The following ZNF195 variants were observed in gnomAD, a reference collection of about 807,000 sequenced individuals.
The protein encoded by ZNF195 is zinc finger protein 195, also known as hypoxia-regulated factor-1.
ZNF195 carries 11 observed loss-of-function variants against 19.5 expected under a neutral mutation model. The ratio of observed to expected loss-of-function variants is 0.57; its 90% CI spans 0.36 to 0.94. The LOEUF is 0.94. ZNF195 is among the 40% of genes least tolerant of loss of function. ZNF195 has a pLI of 0.01. For missense variants in ZNF195, 582 were observed against 709.0 expected (o/e 0.82, Z 2.03); for synonymous variants, 214 against 248.1 (o/e 0.86, Z 1.29).
At chr11:3,378,013 A>C in intron 1 of ZNF195, 1 of 897,620 alleles carries the variant, frequency 1.1e-6, no homozygotes. Flanking sequence ...CAAATCTCTT[A>C]AAAAGTGCCG....
Position 3,359,988 on chromosome 11 carries a change from G to A in ZNF195, c.1020C>T (p.Ser340=), listed in dbSNP as rs1159908108. The A allele has an allele frequency of 6.2e-7, 1 of 1,614,024 alleles. No homozygotes were observed. The highest frequency in any genetic ancestry group is 8.5e-7 in the Non-Finnish European group (1 of 1,180,016). Residue 340 remains serine (S), a synonymous_variant, in exon 6 of 6, where the codon TCC becomes TCT. Coordinates refer to ENST00000399602, the MANE Select transcript of ZNF195 (RefSeq NM_001130520.3). The surrounding 1 kb of genome is among the most constrained non-coding windows in gnomAD (Gnocchi z 5.5). ...TACCATGCTCATGTTCAGTAAGGTG[G>A]GAGCACTGGTTAAATACTTTGCCAA... ...EEFGKVFNQC[S]HLTEHEHGTE...
rs756380965 is a variant in ZNF195 at position 3,359,940 on chromosome 11, A to G, written c.1068T>C (p.Tyr356=). 6.2e-7 allele frequency: 1 copy of G among 1,614,226 alleles called. No homozygotes were observed. The highest frequency in any genetic ancestry group is 1.1e-5 in the South Asian group (1 of 91,082). The change falls in exon 6 of 6, where the codon TAT becomes TAC. Residue 356 remains tyrosine, a synonymous_variant. Transcript: ENST00000399602. The surrounding 1 kb of genome is among the most constrained non-coding windows in gnomAD (Gnocchi z 5.5). ...EHGTEEKPCK[Y]EECSSVFISC... Reference sequence around the variant, plus strand: ...AGATAAAGACACTGCTGCACTCTTCATATTTGCAGGGTTTTTCCTCAGTAC... The same window carrying G: ...AGATAAAGACACTGCTGCACTCTTCGTATTTGCAGGGTTTTTCCTCAGTAC...
chr11:3,373,282 G>A (rs1476815471), intron 1 of ZNF195, among the ~76,000 whole-genome samples: 3 of 152,098 alleles, frequency 2.0e-5, no homozygotes, highest in Admixed American at 6.5e-5. Context: ...GGAATCCTGG[G>A]TATCCACAAG....
At chr11:3,361,684 G>C in intron 4 of ZNF195, 59 bp downstream of exon 4, 1 of 1,285,894 alleles carries the variant, frequency 7.8e-7, no homozygotes, top group South Asian at 1.3e-5. Flanking sequence ...AAAGTCAAAG[G>C]AGAAAAGAAT....
intron 3 of ZNF195, among the ~76,000 whole-genome samples, chr11:3,369,019 C>T (rs140370726): frequency 2.5e-4 from 38 of 152,196 alleles, no homozygotes; most frequent in African/African-American, 5.1e-4. Context: ...TTTTTAGACA[C>T]GACACCAAAA....
At chr11:3,364,432 T>A (rs1328754474) in intron 3 of ZNF195, among the ~76,000 whole-genome samples, 1 of 152,086 alleles carries the variant, frequency 6.6e-6, no homozygotes, top group Non-Finnish European at 1.5e-5. Context: ...TTTACTATCA[T>A]AATGATGGTG....
chr11:3,375,511 G>A (rs1849415699), intron 1 of ZNF195: 1 of 152,156 alleles, frequency 6.6e-6, no homozygotes, highest in Admixed American at 6.5e-5. Context: ...ACCACATCAG[G>A]AAAATGGCCC....
intron 1 of ZNF195, among the ~76,000 whole-genome samples, chr11:3,373,958 C>G (rs190534406): frequency 7.2e-5 from 11 of 152,198 alleles, no homozygotes; most frequent in Non-Finnish European, 5.9e-5. Context: ...CCCTTTGGAA[C>G]CAAGGCTGAG....
chr11:3,358,797 A>G lies in ZNF195; in HGVS notation c.*321T>C. On this transcript the variant is annotated 3_prime_UTR_variant, in exon 6 of 6. Transcript: ENST00000399602. ...ATTTTTCCCATTTAGTGTATTTGCA[A>G]AATATCTTTTAGTATGAACTCTAGT... 1 of 261,740 alleles carries G rather than the reference A, an allele frequency of 3.8e-6. No individual in the cohort carries two copies. The highest frequency in any genetic ancestry group is 1.4e-4 in the South Asian group (1 of 7,274). 16.2% of individuals were successfully genotyped at this position (261,740 alleles called of 1,614,324 possible).
Position 3,359,377 on chromosome 11 carries a change from T to G in ZNF195, c.1631A>C (p.His544Pro). ...ACACTTGTAGGGTTTCTCTCCAGTATGAATTCTCTTATGTACAATAAGGTT... is the reference window on the plus strand; with the variant it reads ...ACACTTGTAGGGTTTCTCTCCAGTAGGAATTCTCTTATGTACAATAAGGTT... ...SSNLIVHKRIHTGEKPYKCEE... is the reference protein window; with the variant it reads ...SSNLIVHKRIPTGEKPYKCEE... The change falls in exon 6 of 6, where the codon CAT becomes CCT. Residue 544 changes from histidine to proline, a missense_variant. Transcript: ENST00000399602. This position sits in a 1 kb window ranked among gnomAD's most constrained non-coding sequence, Gnocchi z 5.5. The G allele has an allele frequency of 6.2e-7, 1 of 1,614,180 alleles. No homozygotes were observed. The highest frequency in any genetic ancestry group is 8.5e-7 in the Non-Finnish European group (1 of 1,180,020).
Position 3,359,371 on chromosome 11 carries a change from C to T in ZNF195, c.1637G>A (p.Gly546Glu). 1 of 1,613,312 alleles carries T rather than the reference C, an allele frequency of 6.2e-7. No individual in the cohort carries two copies. The highest frequency in any genetic ancestry group is 1.3e-5 in the African/African-American group (1 of 74,718). Residue 546 changes from glycine (G) to glutamate (E), a missense_variant, in exon 6 of 6, where the codon GGA becomes GAA. By Grantham distance (98) the Gly-to-Glu change is moderately conservative (BLOSUM62 -2). Coordinates refer to ENST00000399602, the MANE Select transcript of ZNF195 (RefSeq NM_001130520.3). This position sits in a 1 kb window ranked among gnomAD's most constrained non-coding sequence, Gnocchi z 5.5. ...NLIVHKRIHT[G>E]EKPYKCEECG... Reference sequence around the variant, plus strand: ...TTCTTCACACTTGTAGGGTTTCTCTCCAGTATGAATTCTCTTATGTACAAT... The same window carrying T: ...TTCTTCACACTTGTAGGGTTTCTCTTCAGTATGAATTCTCTTATGTACAAT...
At position 3,360,068 on chromosome 11, in the gene ZNF195, C is replaced by T. The variant is rs1316821470; in HGVS notation, c.940G>A (p.Val314Ile). The T allele has an allele frequency of 1.9e-6, 3 of 1,614,102 alleles. No homozygotes were observed. Among genetic ancestry groups the T allele is most frequent in the Non-Finnish European group, 2.5e-6 (3 of 1,180,028 alleles). ...ECNNVIKTCS[V>I]LTKNRIYAGG... ...GCATAAATTCTATTTTTAGTAAGGA[C>T]TGAGCAAGTTTTAATGACGTTGTTA... The change falls in exon 6 of 6, where the codon GTC becomes ATC. Residue 314 changes from valine (V) to isoleucine (I), a missense_variant. By Grantham distance (29) the Val-to-Ile change is conservative (BLOSUM62 3). Around this residue, in one of 3 missense-constraint regions of ZNF195, gnomAD observed 407 missense variants for 530.5 expected, o/e 0.77. Transcript: ENST00000399602.
chr11:3,363,830 T>C (rs926250019), intron 3 of ZNF195, among the ~76,000 whole-genome samples: 2 of 152,070 alleles, frequency 1.3e-5, no homozygotes, highest in Non-Finnish European at 2.9e-5. Flanking sequence ...AATAGACCAA[T>C]AAAACAGAAT....
intron 1 of ZNF195, chr11:3,377,585 G>A: frequency 8.9e-7 from 1 of 1,126,746 alleles, no homozygotes; most frequent in Non-Finnish European, 1.1e-6. Flanking sequence ...GTTGGGTTGG[G>A]TGAAGACAAT....
chr11:3,377,659 G>T, intron 1 of ZNF195: 1 of 1,249,224 alleles, frequency 8.0e-7, no homozygotes, highest in Non-Finnish European at 1.0e-6. Context: ...TCTCAGCCCA[G>T]GGCATCCAGC....
intron 1 of ZNF195, chr11:3,377,641 G>A: frequency 1.6e-6 from 2 of 1,240,412 alleles, no homozygotes; most frequent in Non-Finnish European, 2.1e-6. Context: ...AGTAGACCAG[G>A]AGATTTCTCT....
chr11:3,371,872 A>C (rs1849230262), intron 1 of ZNF195, among the ~76,000 whole-genome samples, 169 bp from the exon 2 acceptor site: 1 of 152,238 alleles, frequency 6.6e-6, no homozygotes. Context: ...GAGCCACATA[A>C]GCAGTGTATA....
intron 3 of ZNF195, chr11:3,369,539 T>A (rs1020103933): frequency 2.2e-6 from 1 of 445,966 alleles, no homozygotes; most frequent in African/African-American, 2.0e-5. Context: ...AAATAGACAA[T>A]AGAATATTAC....
intron 3 of ZNF195, chr11:3,369,154 T>C: frequency 3.7e-6 from 1 of 267,274 alleles, no homozygotes; most frequent in Non-Finnish European, 7.5e-6. Flanking sequence ...ATAAGTAACA[T>C]ATTAGGGCTG....
Sources: gnomAD v4.1 joint callset for allele counts (sites outside exome capture counted in the v4.1 genomes callset) on GRCh38, gnomAD v4.1.1 for gene constraint, gnomAD v4.1.1 regional missense constraint, Gnocchi (gnomAD v3.1) non-coding constraint, MANE v1.5 for transcripts, NCBI Gene and HGNC (gene_info 2026-07-23, HGNC 2026-07-21) for gene names.